The following ANO6 variants were observed in gnomAD, a reference collection of about 807,000 sequenced individuals.
The protein encoded by ANO6 is anoctamin 6.
Under a neutral mutation model 117.5 loss-of-function variants are expected in ANO6, and 106 were observed. The ratio of observed to expected loss-of-function variants is 0.90; its 90% CI spans 0.77 to 1.06. The LOEUF is 1.06. Among genes scored for constraint, ANO6 ranks in the 50% least tolerant of loss-of-function variants. The probability of loss-of-function intolerance (pLI) is 0.00; values close to 1 mark genes in which losing one functional copy is unlikely to be tolerated. For synonymous variants in ANO6, 367 were observed against 385.1 expected, an observed-to-expected ratio of 0.95 and a Z score of 0.55; for missense variants, 955 against 1,121.1, an observed-to-expected ratio of 0.85 and a Z score of 2.12.
chr12:45,381,368 G>C (rs756961866), intron 10 of ANO6, among the ~76,000 whole-genome samples: 1 of 152,250 alleles, frequency 6.6e-6, no homozygotes, highest in African/African-American at 2.4e-5. Context: ...GAGAACAGAA[G>C]TGTGTTGCTC....
At chr12:45,345,512 A>C (rs1476695747) in intron 3 of ANO6, among the ~76,000 whole-genome samples, 1 of 152,164 alleles carries the variant, frequency 6.6e-6, no homozygotes, top group African/African-American at 2.4e-5. Flanking sequence ...TGTCTTGTTA[A>C]CTGCTGTGCT....
rs144398065 is a variant in ANO6 at position 45,429,368 on chromosome 12, G to C, written c.*57G>C. 10 of 1,584,056 alleles carry C rather than the reference G, an allele frequency of 6.3e-6. No homozygotes were observed. Among genetic ancestry groups the C allele is most frequent in the Non-Finnish European group, 8.6e-6 (10 of 1,166,430 alleles). ...ATTTAGCTTTGTCAAAATATATTAG[G>C]AATCACTAATGAGAATGTGTAAGTT... is the stretch of plus-strand genomic sequence containing the variant. On this transcript the variant is annotated 3_prime_UTR_variant, in exon 20 of 20. Coordinates refer to ENST00000320560, the MANE Select transcript of ANO6 (RefSeq NM_001025356.3).
At chr12:45,233,169 C>A (rs1947599693) in intron 1 of ANO6, among the ~76,000 whole-genome samples, 1 of 152,200 alleles carries the variant, frequency 6.6e-6, no homozygotes, top group Non-Finnish European at 1.5e-5. Flanking sequence ...GGGCATGAAT[C>A]ACAATCTGTG....
chr12:45,375,558 A>G (rs1342488293), intron 9 of ANO6, among the ~76,000 whole-genome samples: 16 of 152,366 alleles, frequency 1.1e-4, no homozygotes, highest in Admixed American at 1.0e-3. Context: ...CCACATATCT[A>G]CAACCATCTG....
At chr12:45,284,909 C>T (rs953985071) in intron 1 of ANO6, among the ~76,000 whole-genome samples, 1 of 152,172 alleles carries the variant, frequency 6.6e-6, no homozygotes, top group Non-Finnish European at 1.5e-5. Context: ...AGGATTATTA[C>T]TCCCTAGGGA....
At chr12:45,388,371 A>T in intron 11 of ANO6, 68 bp downstream of exon 11, 2 of 1,595,736 alleles carry the variant, frequency 1.3e-6, no homozygotes, top group Admixed American at 3.3e-5. Flanking sequence ...TTGGCCGCAC[A>T]TTAGAATCAC....
At chr12:45,245,311 C>T (rs886191741) in intron 1 of ANO6, among the ~76,000 whole-genome samples, 2 of 151,950 alleles carry the variant, frequency 1.3e-5, no homozygotes, top group African/African-American at 4.8e-5. Context: ...GGGAAATCAT[C>T]TGACATTTCT....
chr12:45,364,813 G>C (rs886936948), intron 8 of ANO6, among the ~76,000 whole-genome samples: 3 of 152,024 alleles, frequency 2.0e-5, no homozygotes, highest in African/African-American at 4.8e-5. Flanking sequence ...TTTCCTCTCT[G>C]TGTTAGGACC....
chr12:45,398,640 A>G (rs1329389470), intron 12 of ANO6, among the ~76,000 whole-genome samples: 1 of 152,172 alleles, frequency 6.6e-6, no homozygotes, highest in Non-Finnish European at 1.5e-5. Flanking sequence ...CATATATATC[A>G]ACCAAAATAT....
At chr12:45,405,912 A>G (rs899440130) in intron 15 of ANO6, among the ~76,000 whole-genome samples, 1 of 150,456 alleles carries the variant, frequency 6.6e-6, no homozygotes, top group African/African-American at 2.4e-5. Context: ...CATCTCGAAG[A>G]AAAAAAAAAG....
chr12:45,245,190 G>A (rs911862026), intron 1 of ANO6, among the ~76,000 whole-genome samples: 1 of 152,152 alleles, frequency 6.6e-6, no homozygotes, highest in Admixed American at 6.5e-5. Context: ...TCCCTAGTAT[G>A]CTGATCAGCA....
chr12:45,366,459 T>C (rs999257307), intron 8 of ANO6, among the ~76,000 whole-genome samples: 1 of 152,204 alleles, frequency 6.6e-6, no homozygotes, highest in Non-Finnish European at 1.5e-5. Context: ...TTCATATGGA[T>C]ATCCTGTTGT....
chr12:45,319,221 T>A (rs1940166995), intron 2 of ANO6, among the ~76,000 whole-genome samples: 1 of 152,212 alleles, frequency 6.6e-6, no homozygotes, highest in Admixed American at 6.5e-5. Context: ...CTTCCAGTTT[T>A]TGCCCATTCA....
At chr12:45,227,320 G>C (rs778565014) in intron 1 of ANO6, among the ~76,000 whole-genome samples, 4 of 152,158 alleles carry the variant, frequency 2.6e-5, no homozygotes, top group Non-Finnish European at 5.9e-5. Context: ...AAAAGTAAAA[G>C]GAGGAAAGAT....
intron 1 of ANO6, chr12:45,270,533 C>A: frequency 9.8e-7 from 1 of 1,018,802 alleles, no homozygotes; most frequent in Non-Finnish European, 1.4e-6. Flanking sequence ...GGGTAAGATC[C>A]CCTTCCTTTG....
intron 7 of ANO6, among the ~76,000 whole-genome samples, chr12:45,355,570 G>A (rs551464500): frequency 1.9e-4 from 29 of 152,240 alleles, no homozygotes; most frequent in African/African-American, 5.3e-4. Flanking sequence ...AGGCCAAGGC[G>A]TCTCAAACCC....
At chr12:45,275,070 T>C (rs1592904868) in intron 1 of ANO6, among the ~76,000 whole-genome samples, 1 of 152,054 alleles carries the variant, frequency 6.6e-6, no homozygotes. Flanking sequence ...TGGTGCTCGA[T>C]AAGTTGTATG....
At chr12:45,372,660 C>A (rs1193787491) in intron 9 of ANO6, among the ~76,000 whole-genome samples, 1 of 151,582 alleles carries the variant, frequency 6.6e-6, no homozygotes, top group Non-Finnish European at 1.5e-5. Flanking sequence ...CAAGCAAATG[C>A]TGAGAGATTT....
intron 1 of ANO6, among the ~76,000 whole-genome samples, chr12:45,252,652 A>G (rs997607153): frequency 6.6e-6 from 1 of 152,174 alleles, no homozygotes; most frequent in South Asian, 2.1e-4. Flanking sequence ...TCTGTAAAGC[A>G]TTGTATTGTT....
Sources: gnomAD v4.1 joint callset for allele counts (sites outside exome capture counted in the v4.1 genomes callset) on GRCh38, gnomAD v4.1.1 for gene constraint, MANE v1.5 for transcripts, NCBI Gene and HGNC (gene_info 2026-07-23, HGNC 2026-07-21) for gene names.